The following ARHGAP21 variants were observed in gnomAD, a reference collection of about 807,000 sequenced individuals.
ARHGAP21 encodes rho GTPase-activating protein 21.
A neutral mutation model predicts 164.6 loss-of-function variants in ARHGAP21; 38 were observed. That is an observed-to-expected ratio of 0.23 (90% CI 0.18 to 0.30). The LOEUF is 0.30. ARHGAP21 is among the 10% of genes least tolerant of loss of function. ARHGAP21 has a pLI of 1.00. For synonymous variants in ARHGAP21, 766 were observed against 857.9 expected, an observed-to-expected ratio of 0.89 and a Z score of 1.87; for missense variants, 1,822 against 2,370.7, an observed-to-expected ratio of 0.77 and a Z score of 4.81.
chr10:24,640,238 T>C (rs1183349954), intron 4 of ARHGAP21: 1 of 151,542 alleles, frequency 6.6e-6, no homozygotes, highest in East Asian at 1.9e-4. Flanking sequence ...TGGGGCTGGT[T>C]AATACTTGGA....
chr10:24,641,357 T>C (rs1440084369), intron 4 of ARHGAP21, among the ~76,000 whole-genome samples: 2 of 152,166 alleles, frequency 1.3e-5, no homozygotes, highest in Non-Finnish European at 2.9e-5. Flanking sequence ...TAAATTTAGG[T>C]GTTCCCCAAA....
At chr10:24,592,667 G>C (rs1319504688) in intron 21 of ARHGAP21, among the ~76,000 whole-genome samples, 2 of 151,644 alleles carry the variant, frequency 1.3e-5, no homozygotes, top group African/African-American at 4.8e-5. Flanking sequence ...TGCAGTCCCA[G>C]CTACTCCGGA....
At position 24,684,631 on chromosome 10, in the gene ARHGAP21, T is replaced by C. The variant is rs77115849; in HGVS notation, c.64-14234A>G. On this transcript the variant is annotated intron_variant, in intron 2 of 25. Coordinates refer to ENST00000396432, the MANE Select transcript of ARHGAP21 (RefSeq NM_020824.4). ...AACTAGGAATGGGTTTTTTAATTTA[T>C]GTTTTATTTTTAATTTTTGTTTTTT... 7.1e-3 allele frequency among the ~76,000 whole-genome samples: 1,085 copies of C among 152,262 alleles called. 9 individuals carry two copies. Among genetic ancestry groups the C allele is most frequent in the Middle Eastern group, 0.014 (4 of 294 alleles).
At chr10:24,635,912 TC>T (rs1011719286) in intron 4 of ARHGAP21, among the ~76,000 whole-genome samples, 1 of 152,158 alleles carries the variant, frequency 6.6e-6, no homozygotes, top group African/African-American at 2.4e-5. Flanking sequence ...CATATTCCTT[TC>T]CCTTCAGGGA....
In ARHGAP21 at chr10:24,584,185, T is replaced by G; in HGVS notation, c.*227A>C. On this transcript the variant is annotated 3_prime_UTR_variant, in exon 26 of 26. Transcript: ENST00000396432. ...TATGTAGTAAGTTGCAACAAATACCTTGCTCATTTGTATACAACTATCCGA... is the reference window on the plus strand; with the variant it reads ...TATGTAGTAAGTTGCAACAAATACCGTGCTCATTTGTATACAACTATCCGA... The G allele has an allele frequency of 4.6e-6, 1 of 218,104 alleles. No homozygotes were observed. The highest frequency in any genetic ancestry group is 8.4e-6 in the Non-Finnish European group (1 of 118,638). 13.5% of individuals were successfully genotyped at this position (218,104 alleles called of 1,614,324 possible). A position where few individuals can be genotyped will look rare whatever the true frequency, so the allele number is the denominator to read the frequency against.
rs750666176 is a variant in ARHGAP21, at chr10:24,596,898, CAAAATA to C, written c.3335-22_3335-17del. The C allele has an allele frequency of 6.3e-7, 1 of 1,582,700 alleles. No homozygotes were observed. The highest frequency in any genetic ancestry group is 8.5e-7 in the Non-Finnish European group (1 of 1,171,662). ...CTGGTATCATCTTTTGATTGCCAGT[CAAAATA>C]AAACAACATAATAAAATGGAAATGA... On this transcript the variant is annotated splice_polypyrimidine_tract_variant and intron_variant, in intron 16 of 25. Coordinates refer to ENST00000396432, the MANE Select transcript of ARHGAP21 (RefSeq NM_020824.4).
intron 8 of ARHGAP21, 134 bp from the exon 9 acceptor site, chr10:24,621,503 C>T (rs1834540077): frequency 1.3e-6 from 1 of 754,494 alleles, no homozygotes; most frequent in East Asian, 2.7e-5. Context: ...CATGCAAACA[C>T]AACATAAGGG....
intron 9 of ARHGAP21, among the ~76,000 whole-genome samples, chr10:24,610,110 C>T (rs1468264878): frequency 6.6e-6 from 1 of 152,162 alleles, no homozygotes; most frequent in African/African-American, 2.4e-5. Flanking sequence ...AGGCGTGGTG[C>T]CCACGCCTGT....
At chr10:24,709,552 A>G (rs1459735026) in intron 2 of ARHGAP21, among the ~76,000 whole-genome samples, 1 of 152,074 alleles carries the variant, frequency 6.6e-6, no homozygotes, top group Non-Finnish European at 1.5e-5. Flanking sequence ...AGCTCAGGCA[A>G]AACAGTGAGA....
chr10:24,588,964 G>A (rs1029229637), intron 25 of ARHGAP21, among the ~76,000 whole-genome samples: 1 of 152,148 alleles, frequency 6.6e-6, no homozygotes, highest in Non-Finnish European at 1.5e-5. Context: ...TGGGTGCAGG[G>A]AGGCTTCTCA....
intron 24 of ARHGAP21, chr10:24,589,572 C>A (rs561459884): frequency 7.8e-6 from 3 of 384,610 alleles, no homozygotes; most frequent in Non-Finnish European, 9.2e-6. Flanking sequence ...CAGAAACACT[C>A]GTGTTTATTA....
chr10:24,625,295 CAG>C (rs1835013266), intron 7 of ARHGAP21, among the ~76,000 whole-genome samples: 1 of 16,510 alleles, frequency 6.1e-5, no homozygotes, highest in Non-Finnish European at 1.4e-4. Flanking sequence ...CAAAATGAAA[CAG>C]AGAAAAAAAA....
intron 4 of ARHGAP21, among the ~76,000 whole-genome samples, chr10:24,638,264 A>G (rs1836594079): frequency 6.6e-6 from 1 of 152,218 alleles, no homozygotes; most frequent in African/African-American, 2.4e-5. Flanking sequence ...TCCTGTAAAT[A>G]TCCCTTAAAT....
At chr10:24,653,259 A>ATTTTG (rs530649229) in intron 4 of ARHGAP21, among the ~76,000 whole-genome samples, 129 of 151,932 alleles carry the variant, frequency 8.5e-4, no homozygotes, top group African/African-American at 2.9e-3. Context: ...TTAGAAGAGG[A>ATTTTG]TTTTGTTTTG....
intron 2 of ARHGAP21, among the ~76,000 whole-genome samples, chr10:24,696,798 C>T (rs1042572537): frequency 6.6e-6 from 1 of 152,216 alleles, no homozygotes; most frequent in Non-Finnish European, 1.5e-5. Flanking sequence ...CTATGTGTTA[C>T]ATCAGAAAAC....
intron 4 of ARHGAP21, among the ~76,000 whole-genome samples, chr10:24,666,063 C>T (rs1840165924): frequency 6.6e-6 from 1 of 152,078 alleles, no homozygotes; most frequent in Non-Finnish European, 1.5e-5. Context: ...GGAGTCTCGC[C>T]CTGTCCCCCA....
At chr10:24,604,672 G>A (rs754476333) in intron 11 of ARHGAP21, among the ~76,000 whole-genome samples, 4 of 152,226 alleles carry the variant, frequency 2.6e-5, no homozygotes, top group South Asian at 4.1e-4. Context: ...TAGCTGCAAT[G>A]CTATATTAAG....
At chr10:24,664,317 G>A (rs2131705767) in intron 4 of ARHGAP21, among the ~76,000 whole-genome samples, 1 of 152,214 alleles carries the variant, frequency 6.6e-6, no homozygotes, top group South Asian at 2.1e-4. Context: ...AGCATTTTGG[G>A]AGGCCGAGGC....
chr10:24,596,718 C>T lies in ARHGAP21; in HGVS notation c.3477+22G>A, dbSNP rs146100521. ...AACTGAATTAATGACTTGAGGAAATCCGGTGGGCTGGTGTCTCCTACCCGA... is the reference window on the plus strand; with the variant it reads ...AACTGAATTAATGACTTGAGGAAATTCGGTGGGCTGGTGTCTCCTACCCGA... On this transcript the variant is annotated intron_variant, in intron 17 of 25. Coordinates refer to ENST00000396432, the MANE Select transcript of ARHGAP21 (RefSeq NM_020824.4). 3.7e-4 allele frequency: 590 copies of T among 1,613,036 alleles called. 4 individuals carry two copies. The East Asian group carries it at 0.013, about 34-fold the overall frequency.
Sources: allele counts gnomAD v4.1 joint callset (sites outside exome capture counted in the v4.1 genomes callset), GRCh38; gene constraint gnomAD v4.1.1; transcripts MANE v1.5; gene names NCBI Gene and HGNC (gene_info 2026-07-23, HGNC 2026-07-21).